ZNF536: variants seen among roughly 807,000 people sequenced by gnomAD.
The protein encoded by ZNF536 is zinc finger protein 536.
In ZNF536, 13 loss-of-function variants were observed where a neutral mutation model predicts 84.5. The ratio of observed to expected loss-of-function variants is 0.15; its 90% confidence interval spans 0.10 to 0.24. The LOEUF (loss-of-function observed/expected upper bound fraction) is 0.24. Among genes scored for constraint, ZNF536 ranks in the 10% least tolerant of loss-of-function variants. The pLI is 1.00. For missense variants in ZNF536, 1,536 were observed against 1,747.5 expected (o/e 0.88, Z 2.16); for synonymous variants, 811 against 742.5 (o/e 1.09, Z -1.50).
chr19:30,403,227 A>C (rs980148418), intron 1 of ZNF536, among the ~76,000 whole-genome samples: 1 of 152,198 alleles, frequency 6.6e-6, no homozygotes, highest in Non-Finnish European at 1.5e-5. Flanking sequence ...GACTGTAGAC[A>C]AACCGCTGAG....
chr19:30,620,859 C>A (rs1355324676), intron 1 of ZNF536, among the ~76,000 whole-genome samples: 1 of 151,722 alleles, frequency 6.6e-6, no homozygotes, highest in African/African-American at 2.4e-5. Flanking sequence ...TAATGTGCTA[C>A]CCCAATTCTG....
intron 1 of ZNF536, among the ~76,000 whole-genome samples, chr19:30,640,256 A>T (rs946514114): frequency 1.3e-5 from 2 of 151,050 alleles, no homozygotes; most frequent in Middle Eastern, 3.4e-3. Context: ...CTGTCTCAAG[A>T]AAAAAAAAAT....
intron 1 of ZNF536, among the ~76,000 whole-genome samples, chr19:30,430,272 A>G (rs1279619511): frequency 6.6e-6 from 1 of 152,144 alleles, no homozygotes; most frequent in Non-Finnish European, 1.5e-5. Context: ...TCATTCATCC[A>G]TTCATTCATT....
intron 1 of ZNF536, among the ~76,000 whole-genome samples, chr19:30,626,605 C>G (rs180772979): frequency 6.6e-6 from 1 of 152,138 alleles, no homozygotes; most frequent in Non-Finnish European, 1.5e-5. Context: ...CCTTTTCCCC[C>G]GCTACCCCCA....
At chr19:30,600,569 C>T (rs1490173724) in intron 1 of ZNF536, among the ~76,000 whole-genome samples, 1 of 152,180 alleles carries the variant, frequency 6.6e-6, no homozygotes, top group Non-Finnish European at 1.5e-5. Context: ...TGTCCTCCCT[C>T]ATGTATTGAA....
rs147987601 is a variant in ZNF536, at chr19:30,478,461, G to T, written c.2170+32729G>T. On this transcript the variant is annotated intron_variant, in intron 2 of 4. Transcript: ENST00000355537. ...TCTTAGAAAGCCTTTCAGATGGGGG[G>T]ATCCTAGTGAAGCTCATGGGTTTTG... Among the ~76,000 whole-genome samples the T allele has an allele frequency of 3.4e-3, 522 of 152,168 alleles. 3 individuals carry two copies. The highest frequency in any genetic ancestry group is 0.012 in the African/African-American group (499 of 41,514).
intron 2 of ZNF536, among the ~76,000 whole-genome samples, chr19:30,483,690 C>G (rs2054180747): frequency 2.0e-5 from 3 of 152,158 alleles, no homozygotes; most frequent in Non-Finnish European, 4.4e-5. Flanking sequence ...TTCCCGGTAG[C>G]TTGCTCCAAA....
intron 1 of ZNF536, among the ~76,000 whole-genome samples, chr19:30,704,647 CA>C (rs970475752): frequency 0.033 from 1,776 of 53,418 alleles, 5 homozygotes; most frequent in African/African-American, 0.083. Flanking sequence ...GAGTCCATCT[CA>C]AAAAAAAAAA....
exon 2 of ZNF536, chr19:30,712,362 C>T (rs1422115193): frequency 6.6e-6 from 1 of 151,368 alleles, no homozygotes; most frequent in African/African-American, 2.4e-5. Context: ...GAAATTGGTG[C>T]TGTTGCTTGT....
chr19:30,605,191 T>C (rs1370563810), intron 1 of ZNF536, among the ~76,000 whole-genome samples: 4 of 152,140 alleles, frequency 2.6e-5, no homozygotes, highest in African/African-American at 9.7e-5. Flanking sequence ...TTCTTTTGTT[T>C]TAAATTTCCA....
chr19:30,550,436 T>C (rs79943075), intron 4 of ZNF536, among the ~76,000 whole-genome samples: 3,512 of 152,290 alleles, frequency 0.023, 116 homozygotes, highest in African/African-American at 0.076. Flanking sequence ...AGAAGCTCCA[T>C]GCATTCTTCC....
intron 2 of ZNF536, among the ~76,000 whole-genome samples, chr19:30,302,927 C>G (rs912954646): frequency 6.6e-6 from 1 of 152,144 alleles, no homozygotes; most frequent in African/African-American, 2.4e-5. Flanking sequence ...TCCCTTTTTA[C>G]CCCCTGCTGA....
chr19:30,468,060 G>A (rs114258331), intron 2 of ZNF536, among the ~76,000 whole-genome samples: 1,647 of 152,328 alleles, frequency 0.011, 35 homozygotes, highest in African/African-American at 0.038. Context: ...CCAGCGCCCC[G>A]TGAAAAATGT....
intron 2 of ZNF536, among the ~76,000 whole-genome samples, chr19:30,326,646 C>T (rs1334713850): frequency 6.6e-6 from 1 of 151,988 alleles, no homozygotes; most frequent in Non-Finnish European, 1.5e-5. Context: ...GTGAAGCTTT[C>T]AGTGTGTGAG....
At chr19:30,457,937 T>C (rs1391713777) in intron 2 of ZNF536, among the ~76,000 whole-genome samples, 1 of 152,184 alleles carries the variant, frequency 6.6e-6, no homozygotes, top group Non-Finnish European at 1.5e-5. Context: ...ACGGCCCCTC[T>C]TCTTTTTGGG....
intron 4 of ZNF536, chr19:30,554,453 T>C (rs8102611): frequency 0.47 from 70,468 of 151,504 alleles, 18,284 homozygotes; most frequent in African/African-American, 0.72. Context: ...CAGGGTTTCA[T>C]CATGTTGGTC....
chr19:30,586,868 A>C (rs1051729993), intron 1 of ZNF536, among the ~76,000 whole-genome samples: 4 of 152,246 alleles, frequency 2.6e-5, no homozygotes, highest in African/African-American at 9.6e-5. Flanking sequence ...CTAACTCTAC[A>C]ACTGAAACTC....
At chr19:30,383,660 T>C (rs145120965) in intron 1 of ZNF536, among the ~76,000 whole-genome samples, 6 of 36,888 alleles carry the variant, frequency 1.6e-4, no homozygotes, top group African/African-American at 5.6e-4. Context: ...CTTTCTCTCT[T>C]TCTCTTTCTT....
rs1045728926 is a variant in ZNF536, at chr19:30,463,934, C to T, written c.2170+18202C>T. Among the ~76,000 whole-genome samples, 4 of 152,268 alleles carry T rather than the reference C, an allele frequency of 2.6e-5. No individual in the cohort carries two copies. In the East Asian group the frequency reaches 7.7e-4, roughly 29 times the overall value. ...CTCTCAGGGACAGTGGTGACCTTGG[C>T]TCCATGTCCAACTTCTCCCTGGATG... On this transcript the variant is annotated intron_variant, in intron 2 of 4. Transcript: ENST00000355537.
Sources: gnomAD v4.1 joint callset for allele counts (sites outside exome capture counted in the v4.1 genomes callset) on GRCh38, gnomAD v4.1.1 for gene constraint, MANE v1.5 for transcripts, NCBI Gene and HGNC (gene_info 2026-07-23, HGNC 2026-07-21) for gene names.